Variants in CADM2 observed in about 807,000 individuals in gnomAD.
CADM2 encodes the protein cell adhesion molecule 2, also known as immunoglobulin superfamily member 4D.
A neutral mutation model predicts 49.8 loss-of-function variants in CADM2; 12 were observed. The ratio of observed to expected loss-of-function variants is 0.24; its 90% CI spans 0.15 to 0.39. The LOEUF is 0.39. CADM2 is among the 10% of genes least tolerant of loss of function. CADM2 has a pLI of 1.00. For missense variants in CADM2, 378 were observed against 492.3 expected, an observed-to-expected ratio of 0.77 and a Z score of 2.20; for synonymous variants, 214 against 175.4, an observed-to-expected ratio of 1.22 and a Z score of -1.74.
chr3:85,582,937 G>T (rs1576862662), intron 1 of CADM2, among the ~76,000 whole-genome samples: 1 of 152,044 alleles, frequency 6.6e-6, no homozygotes, highest in African/African-American at 2.4e-5. Context: ...TTCCAAATTT[G>T]TAAAATAAGG....
At chr3:85,139,166 C>G (rs991870697) in intron 1 of CADM2, among the ~76,000 whole-genome samples, 1 of 152,140 alleles carries the variant, frequency 6.6e-6, no homozygotes, top group Admixed American at 6.5e-5. Context: ...ATTTTGTTCT[C>G]TAGTAGATTA....
intron 1 of CADM2, among the ~76,000 whole-genome samples, chr3:85,372,506 A>T (rs562960476): frequency 2.0e-5 from 3 of 151,786 alleles, no homozygotes; most frequent in Non-Finnish European, 4.4e-5. Context: ...CTTTATAGTT[A>T]TCCACACCCA....
chr3:85,856,808 T>A (rs2075334463), intron 3 of CADM2, among the ~76,000 whole-genome samples: 1 of 151,522 alleles, frequency 6.6e-6, no homozygotes, highest in African/African-American at 2.4e-5. Flanking sequence ...AAAAATCACA[T>A]TTAAGATAAA....
intron 1 of CADM2, among the ~76,000 whole-genome samples, chr3:85,254,981 G>A (rs2042852279): frequency 6.6e-6 from 1 of 152,072 alleles, no homozygotes; most frequent in South Asian, 2.1e-4. Context: ...TGCAAAGAAT[G>A]AAGTCATTTT....
Position 85,917,694 on chromosome 3 carries a change from AT to A in CADM2, c.700+5153del, listed in dbSNP as rs1320477673. ...ATGAACTTTAAAGTAGCTTTTTCCA[AT>A]TCTGTGAAGAAAGTCATTGGTAGCT... On this transcript the variant is annotated intron_variant, in intron 6 of 9. Coordinates refer to ENST00000383699, the MANE Select transcript of CADM2 (RefSeq NM_001167675.2). Among the ~76,000 whole-genome samples the A allele has an allele frequency of 3.3e-5, 5 of 152,312 alleles. No individual in the cohort carries two copies. In the East Asian group the frequency reaches 9.6e-4, roughly 29 times the overall value.
At chr3:85,669,296 C>T (rs2065667679) in intron 1 of CADM2, among the ~76,000 whole-genome samples, 1 of 151,972 alleles carries the variant, frequency 6.6e-6, no homozygotes, top group Admixed American at 6.6e-5. Flanking sequence ...GAGGCCAAAA[C>T]AATTATCTGT....
chr3:85,552,822 G>A (rs920598894), intron 1 of CADM2, among the ~76,000 whole-genome samples: 10 of 151,948 alleles, frequency 6.6e-5, no homozygotes, highest in South Asian at 2.1e-4. Flanking sequence ...GACTACAGGC[G>A]TGTGCCACCA....
Position 85,124,672 on chromosome 3 carries a change from C to G in CADM2, c.61+165004C>G, listed in dbSNP as rs571085674. On this transcript the variant is annotated intron_variant, in intron 1 of 9. Coordinates refer to ENST00000383699, the MANE Select transcript of CADM2 (RefSeq NM_001167675.2). Reference sequence around the variant, plus strand: ...AAATACTGCAAGTGGAAAATGTATTCAAACATTCAATTACACCTAAGCTAA... The same window carrying G: ...AAATACTGCAAGTGGAAAATGTATTGAAACATTCAATTACACCTAAGCTAA... Among the ~76,000 whole-genome samples the G allele has an allele frequency of 7.2e-5, 11 of 152,234 alleles. No homozygotes were observed. In the South Asian group the frequency reaches 2.1e-3, roughly 29 times the overall value.
intron 2 of CADM2, among the ~76,000 whole-genome samples, chr3:85,765,041 T>G (rs1421770903): frequency 6.6e-6 from 1 of 152,078 alleles, no homozygotes. Flanking sequence ...GGGAAGAATG[T>G]CAGAGAATGT....
intron 5 of CADM2, among the ~76,000 whole-genome samples, chr3:85,900,684 A>G (rs1715997546): frequency 6.6e-6 from 1 of 152,192 alleles, no homozygotes; most frequent in African/African-American, 2.4e-5. Flanking sequence ...TAGCACTCAT[A>G]AGCCCATGAG....
At chr3:85,597,958 A>G (rs2063291991) in intron 1 of CADM2, among the ~76,000 whole-genome samples, 1 of 152,044 alleles carries the variant, frequency 6.6e-6, no homozygotes, top group South Asian at 2.1e-4. Flanking sequence ...AATTCTTGTA[A>G]TAGAGGTTTT....
intron 1 of CADM2, among the ~76,000 whole-genome samples, chr3:85,401,114 C>T (rs1246070551): frequency 6.6e-6 from 1 of 152,176 alleles, no homozygotes; most frequent in Non-Finnish European, 1.5e-5. Context: ...TCCTTCTGAG[C>T]CTTTGGCTCC....
intron 1 of CADM2, among the ~76,000 whole-genome samples, chr3:85,556,449 C>T (rs149519795): frequency 1.3e-5 from 2 of 152,156 alleles, no homozygotes; most frequent in African/African-American, 2.4e-5. Context: ...AAAAATTTAA[C>T]GTCAAAAACT....
chr3:85,097,470 G>A (rs1046123638), intron 1 of CADM2, among the ~76,000 whole-genome samples: 2 of 152,206 alleles, frequency 1.3e-5, no homozygotes, highest in Non-Finnish European at 2.9e-5. Flanking sequence ...ATGTGGGCAT[G>A]TGTCTTTATA....
chr3:85,099,762 G>T (rs974151950), intron 1 of CADM2, among the ~76,000 whole-genome samples: 4 of 152,028 alleles, frequency 2.6e-5, no homozygotes. Flanking sequence ...GAGCCACCGC[G>T]CCTGGCCTCT....
At chr3:85,297,717 G>C (rs1347157104) in intron 1 of CADM2, among the ~76,000 whole-genome samples, 1 of 151,956 alleles carries the variant, frequency 6.6e-6, no homozygotes, top group East Asian at 1.9e-4. Context: ...TCAGTTTTGA[G>C]TTCTGCATAG....
intron 1 of CADM2, among the ~76,000 whole-genome samples, chr3:85,264,868 A>T (rs947599914): frequency 5.3e-5 from 8 of 152,054 alleles, no homozygotes; most frequent in African/African-American, 1.9e-4. Flanking sequence ...AGTTGGCCAA[A>T]TTCCTGAAAT....
intron 6 of CADM2, among the ~76,000 whole-genome samples, chr3:85,920,224 T>G (rs1718922839): frequency 2.0e-5 from 3 of 151,890 alleles, no homozygotes; most frequent in Admixed American, 1.3e-4. Context: ...ATCTGGCATC[T>G]CATTTATGAA....
chr3:84,989,863 A>G (rs1487570440), intron 1 of CADM2, among the ~76,000 whole-genome samples: 3 of 152,100 alleles, frequency 2.0e-5, no homozygotes, highest in South Asian at 2.1e-4. Flanking sequence ...TTTCCAACCC[A>G]TATCATTCTT....
Sources: allele counts gnomAD v4.1 joint callset (sites outside exome capture counted in the v4.1 genomes callset), GRCh38; gene constraint gnomAD v4.1.1; transcripts MANE v1.5; gene names NCBI Gene and HGNC (gene_info 2026-07-23, HGNC 2026-07-21).